HELZ: variants seen among roughly 807,000 people sequenced by gnomAD.
HELZ encodes ATP-dependent RNA helicase with zinc finger domain.
Under a neutral mutation model 218.2 loss-of-function variants are expected in HELZ, and 23 were observed. That is an observed-to-expected ratio of 0.11 (90% CI 0.08 to 0.15). The LOEUF (loss-of-function observed/expected upper bound fraction) is 0.15. HELZ is among the 10% of genes least tolerant of loss of function. The probability of loss-of-function intolerance (pLI) is 1.00; values close to 1 mark genes in which losing one functional copy is unlikely to be tolerated. For missense variants in HELZ, 1,813 were observed against 2,353.7 expected (o/e 0.77, Z 4.75); for synonymous variants, 814 against 829.4 (o/e 0.98, Z 0.32).
intron 3 of HELZ, chr17:67,225,112 C>G (rs1225058157): frequency 2.2e-6 from 1 of 447,308 alleles, no homozygotes; most frequent in African/African-American, 2.0e-5. Flanking sequence ...ATATATAAGC[C>G]CAAAGCATTT....
chr17:67,215,811 T>C, intron 5 of HELZ, 88 bp downstream of exon 5: 2 of 880,372 alleles, frequency 2.3e-6, no homozygotes, highest in South Asian at 2.9e-5. Flanking sequence ...TTTCAAACAT[T>C]ATCATCATTT....
intron 31 of HELZ, among the ~76,000 whole-genome samples, chr17:67,106,883 A>G (rs766146260): frequency 1.3e-5 from 2 of 152,174 alleles, no homozygotes; most frequent in Non-Finnish European, 2.9e-5. Flanking sequence ...CCATTTCCTC[A>G]GATTAAAAAA....
chr17:67,175,423 A>T (rs2039427719), intron 13 of HELZ, among the ~76,000 whole-genome samples: 1 of 152,236 alleles, frequency 6.6e-6, no homozygotes, highest in Non-Finnish European at 1.5e-5. Context: ...TTAACAATCA[A>T]ATGTAAATTA....
At chr17:67,111,306 T>C (rs546822500) in intron 28 of HELZ, among the ~76,000 whole-genome samples, 36 of 152,324 alleles carry the variant, frequency 2.4e-4, no homozygotes, top group Admixed American at 6.5e-4. Context: ...TCATAAGTGA[T>C]GACAATGTGA....
At chr17:67,160,745 C>T (rs1358321260) in intron 16 of HELZ, 152 bp downstream of exon 16, 3 of 565,828 alleles carry the variant, frequency 5.3e-6, no homozygotes, top group Non-Finnish European at 6.0e-6. Flanking sequence ...TTTTAGTGCT[C>T]TGGGGTTTGG....
At chr17:67,195,531 T>G (rs3213753) in intron 7 of HELZ, 61 bp from the exon 8 acceptor site, 158,695 of 911,474 alleles carry the variant, frequency 0.17, 14,659 homozygotes, top group African/African-American at 0.26. Flanking sequence ...TGAACTAAAC[T>G]TGAACATTTT....
chr17:67,118,346 C>A (rs976160428), intron 27 of HELZ, among the ~76,000 whole-genome samples: 3 of 151,904 alleles, frequency 2.0e-5, no homozygotes, highest in African/African-American at 4.8e-5. Context: ...CAGTCCTTAC[C>A]CTTACACTAT....
intron 32 of HELZ, among the ~76,000 whole-genome samples, 161 bp from the exon 33 acceptor site, chr17:67,078,747 C>A (rs904739369): frequency 6.6e-6 from 1 of 152,208 alleles, no homozygotes. Context: ...GAAATCACAA[C>A]ACATCCAACC....
intron 3 of HELZ, among the ~76,000 whole-genome samples, chr17:67,226,181 C>A (rs1211616726): frequency 2.0e-5 from 3 of 148,660 alleles, no homozygotes; most frequent in Non-Finnish European, 4.4e-5. Context: ...ATCGCTTGAA[C>A]ACAGGAGGCG....
intron 3 of HELZ, among the ~76,000 whole-genome samples, chr17:67,219,241 T>C (rs1288815979): frequency 2.6e-5 from 4 of 152,212 alleles, no homozygotes; most frequent in Non-Finnish European, 2.9e-5. Flanking sequence ...GTGACCATGA[T>C]TGCAAAAAAC....
intron 3 of HELZ, among the ~76,000 whole-genome samples, chr17:67,221,715 C>T (rs1348429763): frequency 6.6e-6 from 1 of 152,040 alleles, no homozygotes; most frequent in Non-Finnish European, 1.5e-5. Flanking sequence ...GAAATAATAC[C>T]TATAAAGTAC....
At chr17:67,187,035 C>A (rs2039775565) in intron 12 of HELZ, among the ~76,000 whole-genome samples, 1 of 152,106 alleles carries the variant, frequency 6.6e-6, no homozygotes, top group Non-Finnish European at 1.5e-5. Context: ...CTCATTACGA[C>A]GCAGAGCTGA....
intron 13 of HELZ, among the ~76,000 whole-genome samples, chr17:67,169,436 C>T (rs2039246539): frequency 6.6e-6 from 1 of 152,102 alleles, no homozygotes; most frequent in African/African-American, 2.4e-5. Flanking sequence ...AAAGCAATGG[C>T]AAGAGAGGAC....
chr17:67,132,029 A>AT (rs150708011), intron 23 of HELZ, among the ~76,000 whole-genome samples: 2 of 152,174 alleles, frequency 1.3e-5, no homozygotes, highest in Admixed American at 6.5e-5. Context: ...TATGTTACCC[A>AT]TTTTTTTAGT....
At chr17:67,078,887 T>C (rs1291431474) in intron 32 of HELZ, among the ~76,000 whole-genome samples, 2 of 152,256 alleles carry the variant, frequency 1.3e-5, no homozygotes, top group Non-Finnish European at 2.9e-5. Context: ...TACACTTTGA[T>C]ATTTATTCTA....
intron 20 of HELZ, among the ~76,000 whole-genome samples, chr17:67,146,989 C>T (rs1416696809): frequency 6.6e-6 from 1 of 152,106 alleles, no homozygotes; most frequent in Non-Finnish European, 1.5e-5. Flanking sequence ...TTTATAGATG[C>T]ATACTATAGC....
chr17:67,204,765 T>C (rs1389010012), intron 5 of HELZ, among the ~76,000 whole-genome samples: 1 of 152,190 alleles, frequency 6.6e-6, no homozygotes, highest in African/African-American at 2.4e-5. Flanking sequence ...CACTCATCTA[T>C]TCAACAGTCA....
At chr17:67,141,654 A>T (rs890975276) in intron 21 of HELZ, among the ~76,000 whole-genome samples, 9 of 152,060 alleles carry the variant, frequency 5.9e-5, no homozygotes, top group African/African-American at 2.2e-4. Context: ...AATTCATTTA[A>T]TAAAAATTTG....
In HELZ at chr17:67,215,833, C is replaced by CAAAA. The variant is rs540586856; in HGVS notation, c.247+62_247+65dup. The CAAAA allele has an allele frequency of 1.3e-4, 111 of 855,506 alleles. No homozygotes were observed. In the South Asian group the frequency reaches 1.9e-3, roughly 14 times the overall value. The allele number at this position is 855,506 out of a possible 1,614,324, so 53.0% of individuals were successfully genotyped here. A position where few individuals can be genotyped will look rare whatever the true frequency, so the allele number is the denominator to read the frequency against. ...CATTATCATCATTTTTGAAATTAGCCAAAAAAAAAAATCAAACCTTAAACA... is the reference window on the plus strand; with the variant it reads ...CATTATCATCATTTTTGAAATTAGCCAAAAAAAAAAAAAAATCAAACCTTAAACA... On this transcript the variant is annotated intron_variant, in intron 5 of 32. Coordinates refer to ENST00000358691, the MANE Select transcript of HELZ (RefSeq NM_014877.4).
Sources: allele counts gnomAD v4.1 joint callset (sites outside exome capture counted in the v4.1 genomes callset), GRCh38; gene constraint gnomAD v4.1.1; transcripts MANE v1.5; gene names NCBI Gene and HGNC (gene_info 2026-07-23, HGNC 2026-07-21).